Variants in ROR2 observed in about 807,000 individuals in gnomAD.
The protein encoded by ROR2 is tyrosine-protein kinase transmembrane receptor ROR2.
In ROR2, 33 loss-of-function variants were observed where a neutral mutation model predicts 74.9. The observed-to-expected ratio is 0.44, with a 90% CI of 0.33 to 0.59. ROR2 has a LOEUF of 0.59. ROR2 is among the 20% of genes least tolerant of loss of function. The pLI is 0.02. For synonymous variants in ROR2, 586 were observed against 558.7 expected (o/e 1.05, Z -0.69); for missense variants, 1,216 against 1,313.8 (o/e 0.93, Z 1.15).
intron 1 of ROR2, among the ~76,000 whole-genome samples, chr9:91,782,596 A>C (rs1826657397): frequency 6.7e-6 from 1 of 149,586 alleles, no homozygotes. Context: ...AAAAAAAAAA[A>C]AAAAAAAAAA....
intron 1 of ROR2, among the ~76,000 whole-genome samples, chr9:91,918,263 C>CA (rs533398274): frequency 0.095 from 9,832 of 104,034 alleles, 446 homozygotes; most frequent in Middle Eastern, 0.22. Context: ...AGACTCGTCT[C>CA]AAAAAAAAAA....
intron 1 of ROR2, among the ~76,000 whole-genome samples, chr9:91,811,217 G>A (rs186832404): frequency 4.5e-4 from 68 of 152,336 alleles, no homozygotes; most frequent in Non-Finnish European, 7.1e-4. Context: ...CCAGCCCTCC[G>A]TGCAGTAGTG....
chr9:91,907,976 T>C (rs1305231125), intron 1 of ROR2, among the ~76,000 whole-genome samples: 1 of 152,212 alleles, frequency 6.6e-6, no homozygotes, highest in African/African-American at 2.4e-5. Flanking sequence ...TATCTGGTCT[T>C]CAGGGAAACA....
At chr9:91,870,425 A>G (rs1166713668) in intron 1 of ROR2, among the ~76,000 whole-genome samples, 1 of 152,190 alleles carries the variant, frequency 6.6e-6, no homozygotes, top group Non-Finnish European at 1.5e-5. Flanking sequence ...CCGGGTCTTG[A>G]TGGCAACTTC....
intron 2 of ROR2, 83 bp from the exon 3 acceptor site, chr9:91,757,642 T>G: frequency 6.6e-7 from 1 of 1,510,796 alleles, no homozygotes; most frequent in South Asian, 1.2e-5. Context: ...CTATGAACTC[T>G]TCCAAGGGAA....
chr9:91,909,823 C>CTTTTTTTTAGGTTTCTTTTTTTTTT (rs1830907506), intron 1 of ROR2, among the ~76,000 whole-genome samples: 1 of 58,728 alleles, frequency 1.7e-5, no homozygotes, highest in Non-Finnish European at 3.2e-5. Flanking sequence ...AATCTTTATT[C>CTTTTTTTTAGGTTTCTTTTTTTTTT]TTTTTTTTTT....
chr9:91,885,645 C>T (rs985409886), intron 1 of ROR2, among the ~76,000 whole-genome samples: 1 of 152,104 alleles, frequency 6.6e-6, no homozygotes, highest in Non-Finnish European at 1.5e-5. Flanking sequence ...AACAGGGAAC[C>T]CTAAAAGTGA....
chr9:91,940,979 T>C (rs1441172619), intron 1 of ROR2, among the ~76,000 whole-genome samples: 1 of 150,460 alleles, frequency 6.6e-6, no homozygotes, highest in South Asian at 2.1e-4. Context: ...ATTGTTAGAA[T>C]TTAACATTTT....
In ROR2 at chr9:91,796,159, T is replaced by C. The variant is rs571623242; in HGVS notation, c.98-20341A>G. ...TCTGTATGCTTCTAAAGAACACTTT[T>C]GGCCAGGCACAGTGAATCATGCCTG... On this transcript the variant is annotated intron_variant, in intron 1 of 8. Transcript: ENST00000375708. Among the ~76,000 whole-genome samples the C allele has an allele frequency of 4.6e-5, 7 of 152,224 alleles. No individual in the cohort carries two copies. The East Asian group carries it at 1.4e-3, about 29-fold the overall frequency.
chr9:91,898,324 C>A (rs1225458213), intron 1 of ROR2, among the ~76,000 whole-genome samples: 1 of 152,160 alleles, frequency 6.6e-6, no homozygotes, highest in Non-Finnish European at 1.5e-5. Context: ...ATGTGGCTGG[C>A]ACTGTGCTTA....
At chr9:91,916,407 G>T (rs556136808) in intron 1 of ROR2, among the ~76,000 whole-genome samples, 68 of 152,162 alleles carry the variant, frequency 4.5e-4, no homozygotes, top group African/African-American at 1.6e-3. Flanking sequence ...CCCACCTGTC[G>T]CAGCCAGGCC....
At chr9:91,938,552 G>A (rs981684021) in intron 1 of ROR2, among the ~76,000 whole-genome samples, 3 of 152,182 alleles carry the variant, frequency 2.0e-5, no homozygotes, top group Non-Finnish European at 2.9e-5. Context: ...AGCCCAGGAG[G>A]TGGAGGCTAC....
At chr9:91,767,014 G>A (rs1197118174) in intron 2 of ROR2, among the ~76,000 whole-genome samples, 1 of 152,036 alleles carries the variant, frequency 6.6e-6, no homozygotes, top group Non-Finnish European at 1.5e-5. Flanking sequence ...ACAACCCAAA[G>A]GCAAAGTAAC....
intron 1 of ROR2, among the ~76,000 whole-genome samples, chr9:91,796,759 CAT>C (rs764354447): frequency 0.036 from 2,450 of 67,872 alleles, 53 homozygotes; most frequent in East Asian, 0.11. Context: ...TGACACCCTG[CAT>C]TCTGTGGGCA....
chr9:91,937,467 A>C (rs762946803), intron 1 of ROR2, among the ~76,000 whole-genome samples: 6 of 151,888 alleles, frequency 4.0e-5, no homozygotes, highest in African/African-American at 7.3e-5. Flanking sequence ...AGGGGTCTAG[A>C]TGCACCCCAA....
intron 4 of ROR2, among the ~76,000 whole-genome samples, chr9:91,742,398 T>C (rs1226951430): frequency 6.6e-6 from 1 of 152,164 alleles, no homozygotes; most frequent in Non-Finnish European, 1.5e-5. Context: ...AGCCAAACCG[T>C]ATCACAGGGC....
intron 1 of ROR2, among the ~76,000 whole-genome samples, chr9:91,891,694 C>T (rs919586116): frequency 2.6e-5 from 4 of 152,170 alleles, no homozygotes; most frequent in Non-Finnish European, 4.4e-5. Context: ...GTGTGGGCTG[C>T]AGCCCCTCTC....
chr9:91,945,901 A>G (rs1832000471), intron 1 of ROR2, among the ~76,000 whole-genome samples: 3 of 152,180 alleles, frequency 2.0e-5, no homozygotes, highest in Admixed American at 2.0e-4. Flanking sequence ...AAATAAATAC[A>G]TGCTAGAAAA....
At chr9:91,833,408 T>C (rs1197218714) in intron 1 of ROR2, among the ~76,000 whole-genome samples, 2 of 152,128 alleles carry the variant, frequency 1.3e-5, no homozygotes, top group Non-Finnish European at 2.9e-5. Context: ...CAACCGCTAC[T>C]GTCCCTTTCC....
Sources: gnomAD v4.1 joint callset for allele counts (sites outside exome capture counted in the v4.1 genomes callset) on GRCh38, gnomAD v4.1.1 for gene constraint, MANE v1.5 for transcripts, NCBI Gene and HGNC (gene_info 2026-07-23, HGNC 2026-07-21) for gene names.